The following PCGF3 variants were observed in gnomAD, a reference collection of about 807,000 sequenced individuals.
PCGF3 encodes the protein polycomb group RING finger protein 3.
A neutral mutation model predicts 33.1 loss-of-function variants in PCGF3; 7 were observed. The observed-to-expected ratio is 0.21, with a 90% CI of 0.12 to 0.40. The LOEUF (loss-of-function observed/expected upper bound fraction) is 0.40. Among genes scored for constraint, PCGF3 ranks in the 10% least tolerant of loss-of-function variants. PCGF3 has a pLI of 1.00. For missense variants in PCGF3, 211 were observed against 313.3 expected, an observed-to-expected ratio of 0.67 and a Z score of 2.46; for synonymous variants, 153 against 121.3, an observed-to-expected ratio of 1.26 and a Z score of -1.72.
intron 8 of PCGF3, among the ~76,000 whole-genome samples, chr4:758,083 G>T (rs1744851776): frequency 6.7e-6 from 1 of 148,172 alleles, no homozygotes; most frequent in African/African-American, 2.5e-5. Flanking sequence ...CAGCGGAATC[G>T]CTTGAACCCA....
chr4:717,011 C>G (rs1285165153), intron 1 of PCGF3, among the ~76,000 whole-genome samples: 2 of 131,452 alleles, frequency 1.5e-5, no homozygotes, highest in South Asian at 2.7e-4. Flanking sequence ...AACTGGGCGT[C>G]TGTGCTGGGA....
At chr4:743,563 C>T in exon 7 of PCGF3, 7 of 1,608,026 alleles carry the variant, frequency 4.4e-6, no homozygotes, top group Non-Finnish European at 6.0e-6. Flanking sequence ...TGCAAAACAG[C>T]ACTTAGATTC....
At chr4:729,901 A>T (rs1042518768) in intron 1 of PCGF3, among the ~76,000 whole-genome samples, 1 of 151,956 alleles carries the variant, frequency 6.6e-6, no homozygotes, top group Non-Finnish European at 1.5e-5. Context: ...TGTTTCCCCA[A>T]CTCACACAGG....
At chr4:742,133 C>G (rs1028527674) in intron 6 of PCGF3, among the ~76,000 whole-genome samples, 11 of 151,618 alleles carry the variant, frequency 7.3e-5, no homozygotes, top group Non-Finnish European at 1.3e-4. Flanking sequence ...TCTCTCTGCC[C>G]AGGCTCTCGG....
At chr4:753,927 C>T (rs914323888) in intron 8 of PCGF3, among the ~76,000 whole-genome samples, 1 of 152,214 alleles carries the variant, frequency 6.6e-6, no homozygotes, top group South Asian at 2.1e-4. Context: ...GAGCGAGACT[C>T]TGACCTTCTA....
Position 765,985 on chromosome 4 carries a change from G to A in PCGF3, c.682-47G>A, listed in dbSNP as rs760323393. The A allele has an allele frequency of 2.7e-5, 43 of 1,589,570 alleles. No individual in the cohort carries two copies. In the Admixed American group the frequency reaches 3.0e-4, roughly 11 times the overall value. The stretch of plus-strand genomic sequence containing the variant: ...CTTCCCGATGAAGTAGGTCCTTCTC[G>A]CCTCCACCCCTGCTAAGCAGGCACT... On this transcript the variant is annotated intron_variant, in intron 10 of 10. Coordinates refer to ENST00000362003, the Ensembl canonical transcript of PCGF3.
At chr4:726,637 A>G (rs976142652) in intron 1 of PCGF3, among the ~76,000 whole-genome samples, 3 of 151,976 alleles carry the variant, frequency 2.0e-5, no homozygotes, top group African/African-American at 7.3e-5. Flanking sequence ...GCAACCTCCA[A>G]AGGTTCACGG....
chr4:735,348 A>C (rs1743781170), intron 5 of PCGF3, among the ~76,000 whole-genome samples: 2 of 152,316 alleles, frequency 1.3e-5, no homozygotes, highest in African/African-American at 4.8e-5. Context: ...GGAGTTTGAG[A>C]CCAGCCTGAC....
chr4:733,752 C>T, exon 4 of PCGF3: 1 of 1,613,356 alleles, frequency 6.2e-7, no homozygotes, highest in Non-Finnish European at 8.5e-7. Context: ...GCGGGTACCT[C>T]ATCGACGCCA....
intron 4 of PCGF3, 84 bp from the exon 5 acceptor site, chr4:734,847 A>G (rs1480791721): frequency 4.4e-5 from 67 of 1,523,544 alleles, no homozygotes; most frequent in Non-Finnish European, 2.7e-5. Context: ...GAGCTCAGAG[A>G]CGCCCGTGTT....
At chr4:756,235 T>C (rs1744764659) in intron 8 of PCGF3, among the ~76,000 whole-genome samples, 1 of 133,060 alleles carries the variant, frequency 7.5e-6, no homozygotes, top group African/African-American at 2.9e-5. Flanking sequence ...TTTTGAGATG[T>C]AGTCTTATAC....
intron 7 of PCGF3, among the ~76,000 whole-genome samples, chr4:744,266 G>A (rs1393986935): frequency 6.6e-6 from 1 of 152,214 alleles, no homozygotes; most frequent in Non-Finnish European, 1.5e-5. Context: ...TCAGATCGAG[G>A]GGCTGATGTG....
At chr4:752,541 C>T (rs1010360258) in intron 8 of PCGF3, among the ~76,000 whole-genome samples, 1 of 151,992 alleles carries the variant, frequency 6.6e-6, no homozygotes, top group Non-Finnish European at 1.5e-5. Context: ...CTGAGGCCTC[C>T]GGGGACCGGG....
At chr4:754,209 G>A (rs1172047097) in intron 8 of PCGF3, among the ~76,000 whole-genome samples, 5 of 152,316 alleles carry the variant, frequency 3.3e-5, no homozygotes, top group Middle Eastern at 3.4e-3. Flanking sequence ...GTTCTGGTGT[G>A]GGGTCCCTGC....
intron 6 of PCGF3, among the ~76,000 whole-genome samples, chr4:742,912 G>A (rs1225992561): frequency 6.6e-6 from 1 of 152,202 alleles, no homozygotes; most frequent in African/African-American, 2.4e-5. Context: ...CATGGTCCCC[G>A]GGGCTCTCGG....
chr4:723,129 G>A (rs1020161908), intron 1 of PCGF3, among the ~76,000 whole-genome samples: 29 of 145,174 alleles, frequency 2.0e-4, no homozygotes, highest in Admixed American at 1.9e-3. Flanking sequence ...TCCGTGCCGG[G>A]TCCACACTCA....
At chr4:763,101 G>A (rs958291302) in intron 9 of PCGF3, among the ~76,000 whole-genome samples, 2 of 152,112 alleles carry the variant, frequency 1.3e-5, no homozygotes, top group South Asian at 2.1e-4. Flanking sequence ...CACTGAGCAC[G>A]GGCTGCCTGG....
chr4:748,151 C>A (rs913372272), intron 8 of PCGF3, among the ~76,000 whole-genome samples: 1 of 152,022 alleles, frequency 6.6e-6, no homozygotes, highest in South Asian at 2.1e-4. Context: ...TACACGGTCA[C>A]AGAGATGCAG....
intron 1 of PCGF3, among the ~76,000 whole-genome samples, chr4:725,660 G>A (rs1314073579): frequency 1.3e-5 from 2 of 151,462 alleles, no homozygotes; most frequent in East Asian, 2.0e-4. Context: ...GGGCTGCCGA[G>A]GGCTGCTGTG....
Sources: gnomAD v4.1 joint callset for allele counts (sites outside exome capture counted in the v4.1 genomes callset) on GRCh38, gnomAD v4.1.1 for gene constraint, MANE v1.5 for transcripts, NCBI Gene and HGNC (gene_info 2026-07-23, HGNC 2026-07-21) for gene names.